Variants in DNAAF11 observed in about 807,000 individuals in gnomAD.
DNAAF11 encodes dynein axonemal assembly factor 11.
In DNAAF11, 45 loss-of-function variants were observed where a neutral mutation model predicts 60.8. The observed-to-expected ratio is 0.74, with a 90% CI of 0.58 to 0.95. DNAAF11 has a LOEUF of 0.95. Among genes scored for constraint, DNAAF11 ranks in the 40% least tolerant of loss-of-function variants. DNAAF11 has a pLI of 0.00. For missense variants in DNAAF11, 546 were observed against 546.2 expected, an observed-to-expected ratio of 1.00 and a Z score of 0.00; for synonymous variants, 191 against 183.5, an observed-to-expected ratio of 1.04 and a Z score of -0.33.
At chr8:132,646,541 C>T (rs1177238968) in intron 3 of DNAAF11, among the ~76,000 whole-genome samples, 2 of 152,140 alleles carry the variant, frequency 1.3e-5, no homozygotes, top group Admixed American at 6.5e-5. Flanking sequence ...CACAGACTGG[C>T]AAATTGGATA....
intron 3 of DNAAF11, among the ~76,000 whole-genome samples, chr8:132,653,607 GAT>G (rs1463343933): frequency 6.6e-6 from 1 of 152,048 alleles, no homozygotes; most frequent in East Asian, 1.9e-4. Flanking sequence ...ATAAAGATGT[GAT>G]ATGTGACAAT....
chr8:132,661,705 T>C (rs570771182), intron 1 of DNAAF11, 78 bp from the exon 2 acceptor site: 3 of 1,468,438 alleles, frequency 2.0e-6, no homozygotes, highest in South Asian at 1.2e-5. Flanking sequence ...AACGCATTTG[T>C]GTTTTTTTTG....
intron 10 of DNAAF11, among the ~76,000 whole-genome samples, chr8:132,590,429 T>C (rs1816347086): frequency 6.6e-6 from 1 of 152,258 alleles, no homozygotes; most frequent in African/African-American, 2.4e-5. Context: ...GGTAACTTCC[T>C]GATGGTACAC....
At chr8:132,606,314 T>C (rs1291857641) in intron 10 of DNAAF11, among the ~76,000 whole-genome samples, 2 of 152,166 alleles carry the variant, frequency 1.3e-5, no homozygotes, top group African/African-American at 2.4e-5. Flanking sequence ...CCTCTACTTA[T>C]ATTTAAAAAA....
At chr8:132,624,998 A>G (rs1820107013) in intron 6 of DNAAF11, among the ~76,000 whole-genome samples, 1 of 152,206 alleles carries the variant, frequency 6.6e-6, no homozygotes, top group Non-Finnish European at 1.5e-5. Context: ...AACTTAATAC[A>G]CTATTATTAG....
At chr8:132,689,491 T>C in the DNAAF11 span, among the ~76,000 whole-genome samples, 1 of 69,258 alleles carries the variant, frequency 1.4e-5, no homozygotes, top group African/African-American at 6.0e-5. Flanking sequence ...ACCTCAGCAA[T>C]TCAGTGTCAT....
intron 3 of DNAAF11, among the ~76,000 whole-genome samples, chr8:132,644,680 A>C (rs1822192304): frequency 6.6e-6 from 1 of 152,138 alleles, no homozygotes; most frequent in South Asian, 2.1e-4. Flanking sequence ...ACACCAGGAG[A>C]TTATATCCCA....
chr8:132,658,679 A>C (rs1823832545), intron 2 of DNAAF11, among the ~76,000 whole-genome samples: 1 of 152,174 alleles, frequency 6.6e-6, no homozygotes, highest in Admixed American at 6.5e-5. Flanking sequence ...CCTGAACAAA[A>C]TACTTTATTA....
intron 10 of DNAAF11, among the ~76,000 whole-genome samples, chr8:132,606,730 G>A (rs778183551): frequency 5.9e-5 from 9 of 152,078 alleles, no homozygotes; most frequent in Non-Finnish European, 1.0e-4. Context: ...GCCCAGGCTG[G>A]TCTCAAGCTC....
At chr8:132,593,174 AAGG>A (rs1342181049) in intron 10 of DNAAF11, among the ~76,000 whole-genome samples, 4 of 151,636 alleles carry the variant, frequency 2.6e-5, no homozygotes, top group Admixed American at 6.6e-5. Context: ...GCAAGATTAA[AAGG>A]AGGAGGAGAA....
At chr8:132,663,844 C>T (rs768554787) in intron 1 of DNAAF11, among the ~76,000 whole-genome samples, 11 of 152,190 alleles carry the variant, frequency 7.2e-5, no homozygotes, top group Non-Finnish European at 1.5e-4. Context: ...CATATCCCAA[C>T]GCCTAAGGGA....
chr8:132,669,380 G>A (rs912542541), intron 1 of DNAAF11, among the ~76,000 whole-genome samples: 3 of 152,240 alleles, frequency 2.0e-5, no homozygotes, highest in African/African-American at 7.2e-5. Context: ...AGGCAGTTAT[G>A]CAATTGTAAA....
intron 3 of DNAAF11, among the ~76,000 whole-genome samples, chr8:132,653,618 A>G (rs1318183162): frequency 6.6e-6 from 1 of 152,188 alleles, no homozygotes; most frequent in African/African-American, 2.4e-5. Flanking sequence ...ATATGTGACA[A>G]TAACAGCATA....
At chr8:132,596,692 A>C (rs937222062) in intron 10 of DNAAF11, among the ~76,000 whole-genome samples, 5 of 152,172 alleles carry the variant, frequency 3.3e-5, no homozygotes, top group African/African-American at 1.2e-4. Flanking sequence ...AAAGTGAGCA[A>C]ATAACCAGGC....
chr8:132,668,027 C>A (rs1269089774), intron 1 of DNAAF11, among the ~76,000 whole-genome samples: 1 of 151,990 alleles, frequency 6.6e-6, no homozygotes, highest in African/African-American at 2.4e-5. Flanking sequence ...ATAAAATCAA[C>A]TAATATGTAT....
intron 1 of DNAAF11, among the ~76,000 whole-genome samples, chr8:132,663,949 G>A (rs554457068): frequency 1.3e-5 from 2 of 152,358 alleles, no homozygotes; most frequent in South Asian, 4.1e-4. Context: ...GGCCAGGACA[G>A]AGTCAGAGAT....
At chr8:132,677,433 T>TAA (rs111512865), upstream of DNAAF11, among the ~76,000 whole-genome samples, 1,288 of 150,642 alleles carry the variant, frequency 8.6e-3, 20 homozygotes, top group African/African-American at 0.028. Context: ...TAATAAAAAT[T>TAA]AAAAAAAAAT....
intron 5 of DNAAF11, among the ~76,000 whole-genome samples, chr8:132,632,246 TTAAAA>T (rs1406961649): frequency 2.6e-5 from 4 of 152,010 alleles, no homozygotes; most frequent in African/African-American, 9.7e-5. Context: ...TGCAATTCAC[TTAAAA>T]TAAACAAACA....
chr8:132,600,367 A>G (rs953414456), intron 10 of DNAAF11, among the ~76,000 whole-genome samples: 1 of 152,228 alleles, frequency 6.6e-6, no homozygotes, highest in African/African-American at 2.4e-5. Context: ...TTATAGATTC[A>G]ATGCCATCCC....
Sources: allele counts gnomAD v4.1 joint callset (sites outside exome capture counted in the v4.1 genomes callset), GRCh38; gene constraint gnomAD v4.1.1; transcripts MANE v1.5; gene names NCBI Gene and HGNC (gene_info 2026-07-23, HGNC 2026-07-21).